SS18: variants seen among roughly 807,000 people sequenced by gnomAD.
The protein encoded by SS18 is SS18 subunit of BAF chromatin remodeling complex.
In SS18, 28 loss-of-function variants were observed where a neutral mutation model predicts 72.5. The observed-to-expected ratio is 0.39, with a 90% confidence interval of 0.29 to 0.53. The LOEUF (loss-of-function observed/expected upper bound fraction) is 0.53, where lower values mean the gene tolerates loss of function less well. SS18 is among the 20% of genes least tolerant of loss of function. The pLI, the probability that SS18 is intolerant of heterozygous loss-of-function variation, is 0.76. For missense variants in SS18, 518 were observed against 535.3 expected (o/e 0.97, Z 0.32); for synonymous variants, 172 against 164.2 (o/e 1.05, Z -0.37).
At chr18:26,084,491 G>GA (rs2054583127) in intron 2 of SS18, among the ~76,000 whole-genome samples, 1 of 152,066 alleles carries the variant, frequency 6.6e-6, no homozygotes, top group East Asian at 1.9e-4. Context: ...TGAATTACAA[G>GA]AAATAGCAAC....
chr18:26,072,544 G>A (rs1045167405), intron 3 of SS18, among the ~76,000 whole-genome samples: 16 of 151,820 alleles, frequency 1.1e-4, no homozygotes, highest in South Asian at 4.2e-4. Context: ...TGCAGGCGGC[G>A]CGCAGCACTT....
chr18:26,083,624 T>TCTATG (rs1203061242), intron 2 of SS18, among the ~76,000 whole-genome samples: 1 of 152,206 alleles, frequency 6.6e-6, no homozygotes, highest in Non-Finnish European at 1.5e-5. Context: ...TATTTGTTTA[T>TCTATG]CTACAATTAT....
intron 3 of SS18, among the ~76,000 whole-genome samples, chr18:26,069,709 T>C (rs1252280975): frequency 6.6e-6 from 1 of 152,170 alleles, no homozygotes; most frequent in African/African-American, 2.4e-5. Flanking sequence ...TTTCAGACTG[T>C]GAGCCTTAAA....
At chr18:26,038,019 T>C (rs974650273) in intron 7 of SS18, among the ~76,000 whole-genome samples, 2 of 152,150 alleles carry the variant, frequency 1.3e-5, no homozygotes, top group African/African-American at 4.8e-5. Context: ...AATCTCTATA[T>C]GGCTATATTA....
chr18:26,047,042 G>T (rs1290484092), intron 5 of SS18, among the ~76,000 whole-genome samples: 1 of 152,086 alleles, frequency 6.6e-6, no homozygotes, highest in Non-Finnish European at 1.5e-5. Context: ...TGATATTCAT[G>T]TATATCAGAA....
intron 6 of SS18, 29 bp downstream of exon 6, chr18:26,039,260 A>C (rs1379566438): frequency 3.2e-6 from 5 of 1,572,896 alleles, no homozygotes. Context: ...AATTACATTA[A>C]GTAGCAAATT....
At chr18:26,050,909 A>AAAATAAATAAATAAAT (rs554116132) in intron 5 of SS18, among the ~76,000 whole-genome samples, 11 of 151,636 alleles carry the variant, frequency 7.3e-5, no homozygotes, top group African/African-American at 2.7e-4. Flanking sequence ...ACGCCGTCTC[A>AAAATAAATAAATAAAT]AAATAAATAA....
At chr18:26,028,273 T>C (rs1380873360) in intron 10 of SS18, among the ~76,000 whole-genome samples, 1 of 152,154 alleles carries the variant, frequency 6.6e-6, no homozygotes, top group African/African-American at 2.4e-5. Flanking sequence ...TTAGAATAAA[T>C]AAAATTTAAA....
At chr18:26,043,707 G>A (rs1315321273) in intron 5 of SS18, among the ~76,000 whole-genome samples, 1 of 152,142 alleles carries the variant, frequency 6.6e-6, no homozygotes. Flanking sequence ...AAAAGAACAA[G>A]AGCAAGTAAG....
intron 1 of SS18, chr18:26,089,738 G>C (rs1284761108): frequency 6.6e-6 from 1 of 152,238 alleles, no homozygotes; most frequent in Non-Finnish European, 1.5e-5. Flanking sequence ...GCAGCTCCCT[G>C]TGTATTTATC....
Position 26,033,928 on chromosome 18 carries a change from T to C in SS18, c.1096+1077A>G, listed in dbSNP as rs56296830. On this transcript the variant is annotated intron_variant, in intron 9 of 10. Coordinates refer to ENST00000415083, the MANE Select transcript of SS18 (RefSeq NM_001007559.3). The stretch of plus-strand genomic sequence containing the variant: ...TCATCCAAAGGCAATAAAACCAGAA[T>C]ATTGTATTTATTCAAAGTATAAATA... Among the ~76,000 whole-genome samples, 734 of 152,306 alleles carry C rather than the reference T, an allele frequency of 4.8e-3. 4 individuals are homozygous for C. The highest frequency in any genetic ancestry group is 8.3e-3 in the Non-Finnish European group (565 of 68,024).
At chr18:26,034,506 A>T (rs565253912) in intron 9 of SS18, among the ~76,000 whole-genome samples, 180 of 152,162 alleles carry the variant, frequency 1.2e-3, no homozygotes, top group African/African-American at 4.2e-3. Flanking sequence ...GCAATAATTC[A>T]TCCCGATGGA....
chr18:26,089,382 C>A (rs983894361), intron 1 of SS18, among the ~76,000 whole-genome samples: 1 of 152,198 alleles, frequency 6.6e-6, no homozygotes, highest in Non-Finnish European at 1.5e-5. Flanking sequence ...CACTGCCAAG[C>A]CCGTTTGTTC....
intron 3 of SS18, among the ~76,000 whole-genome samples, chr18:26,063,333 C>G (rs1043457417): frequency 6.6e-6 from 1 of 152,094 alleles, no homozygotes; most frequent in Non-Finnish European, 1.5e-5. Context: ...TCCTGGCTAA[C>G]AAGGTGAAAC....
intron 10 of SS18, among the ~76,000 whole-genome samples, chr18:26,025,446 A>G (rs906267469): frequency 3.9e-5 from 6 of 152,112 alleles, no homozygotes; most frequent in Non-Finnish European, 7.4e-5. Flanking sequence ...CTTTTTGAGA[A>G]AAATGAATAG....
chr18:26,073,939 T>C (rs190393466), intron 3 of SS18, among the ~76,000 whole-genome samples: 326 of 152,264 alleles, frequency 2.1e-3, no homozygotes, highest in African/African-American at 7.7e-3. Context: ...AAAACAAACA[T>C]AGTGAGCAAG....
chr18:26,055,851 G>A (rs1209527139), intron 4 of SS18, among the ~76,000 whole-genome samples: 1 of 150,032 alleles, frequency 6.7e-6, no homozygotes, highest in South Asian at 2.1e-4. Flanking sequence ...TCCGCCTCCT[G>A]GGTTCAAGTG....
chr18:26,023,755 C>A, intron 10 of SS18: 1 of 402,718 alleles, frequency 2.5e-6, no homozygotes, highest in Admixed American at 3.9e-5. Context: ...TTCAGGCAAA[C>A]AAAAATGATA....
intron 6 of SS18, 96 bp downstream of exon 6, chr18:26,039,193 A>G: frequency 1.1e-6 from 1 of 949,516 alleles, no homozygotes. Flanking sequence ...AAAAAAAAAA[A>G]AAGAAAACGC....
Sources: allele counts gnomAD v4.1 joint callset (sites outside exome capture counted in the v4.1 genomes callset), GRCh38; gene constraint gnomAD v4.1.1; transcripts MANE v1.5; gene names NCBI Gene and HGNC (gene_info 2026-07-23, HGNC 2026-07-21).